The following CYP19A1 variants were observed in gnomAD, a reference collection of about 807,000 sequenced individuals.
CYP19A1 encodes the protein cytochrome P450 family 19 subfamily A member 1.
In CYP19A1, 32 loss-of-function variants were observed where a neutral mutation model predicts 44.4. The observed-to-expected ratio is 0.72, with a 90% confidence interval of 0.54 to 0.97. The LOEUF (loss-of-function observed/expected upper bound fraction) is 0.97, where lower values mean the gene tolerates loss of function less well. Ranked by LOEUF, CYP19A1 falls within the 50% of genes least tolerant of loss-of-function variation. The probability of loss-of-function intolerance (pLI) is 0.00; values close to 1 mark genes in which losing one functional copy is unlikely to be tolerated. For synonymous variants in CYP19A1, 212 were observed against 215.6 expected (o/e 0.98, Z 0.14); for missense variants, 598 against 637.8 (o/e 0.94, Z 0.67).
chr15:51,318,299 T>C (rs1477534293), intron 1 of CYP19A1: 1 of 152,172 alleles, frequency 6.6e-6, no homozygotes, highest in Non-Finnish European at 1.5e-5. Flanking sequence ...ACTCAGTTGA[T>C]AGCAAAGTGG....
chr15:51,326,193 G>A (rs2141026593), intron 1 of CYP19A1, among the ~76,000 whole-genome samples: 1 of 152,222 alleles, frequency 6.6e-6, no homozygotes, highest in Admixed American at 6.5e-5. Flanking sequence ...TTTGATTAGG[G>A]TAGGTGTCCA....
At chr15:51,333,339 T>C (rs974758192) in intron 1 of CYP19A1, among the ~76,000 whole-genome samples, 2 of 152,136 alleles carry the variant, frequency 1.3e-5, no homozygotes, top group African/African-American at 4.8e-5. Flanking sequence ...TTTCCTGTTT[T>C]CTCACATCTC....
chr15:51,235,994 T>G (rs1318969275), intron 3 of CYP19A1, among the ~76,000 whole-genome samples: 2 of 152,234 alleles, frequency 1.3e-5, no homozygotes, highest in Non-Finnish European at 2.9e-5. Context: ...CTAAGATCAA[T>G]AAACAAGAAA....
At chr15:51,259,710 G>A (rs2034644231) in intron 1 of CYP19A1, among the ~76,000 whole-genome samples, 1 of 152,216 alleles carries the variant, frequency 6.6e-6, no homozygotes, top group African/African-American at 2.4e-5. Flanking sequence ...GGCTGCACCA[G>A]ACTGATATTC....
At chr15:51,284,983 G>T (rs191274707) in intron 1 of CYP19A1, among the ~76,000 whole-genome samples, 21 of 152,256 alleles carry the variant, frequency 1.4e-4, no homozygotes, top group Admixed American at 1.3e-3. Flanking sequence ...CTATTAGAAG[G>T]GGCCTGTTTC....
intron 1 of CYP19A1, among the ~76,000 whole-genome samples, chr15:51,325,610 T>A (rs909115516): frequency 6.6e-6 from 1 of 151,862 alleles, no homozygotes; most frequent in African/African-American, 2.4e-5. Context: ...GAGGCCGAGG[T>A]GGGCGGATCA....
At chr15:51,262,770 A>G (rs1402512182) in intron 1 of CYP19A1, among the ~76,000 whole-genome samples, 7 of 152,232 alleles carry the variant, frequency 4.6e-5, no homozygotes, top group Non-Finnish European at 8.8e-5. Flanking sequence ...AGCTCTTAGA[A>G]AATTTCATGA....
chr15:51,240,065 C>T (rs1403194537), intron 2 of CYP19A1, among the ~76,000 whole-genome samples: 12 of 18,486 alleles, frequency 6.5e-4, no homozygotes, highest in South Asian at 4.2e-3. Flanking sequence ...CCCCCTCCCC[C>T]GGCCACTCCC....
At chr15:51,212,700 C>T (rs1414744582) in intron 8 of CYP19A1, 139 bp from the exon 9 acceptor site, 3 of 658,976 alleles carry the variant, frequency 4.6e-6, no homozygotes, top group Non-Finnish European at 8.1e-6. Context: ...TGCACACCAG[C>T]AACCAGGGCC....
At chr15:51,221,831 G>T (rs747553996) in intron 5 of CYP19A1, 1 of 167,040 alleles carries the variant, frequency 6.0e-6, no homozygotes, top group Non-Finnish European at 1.3e-5. Context: ...TAGATACTAC[G>T]TTAATGGCAG....
At chr15:51,310,803 G>A (rs923995753) in intron 1 of CYP19A1, among the ~76,000 whole-genome samples, 1 of 152,140 alleles carries the variant, frequency 6.6e-6, no homozygotes, top group South Asian at 2.1e-4. Flanking sequence ...CCGGCAAGAC[G>A]GAACTCTTGC....
intron 1 of CYP19A1, among the ~76,000 whole-genome samples, chr15:51,310,071 T>C (rs891623229): frequency 6.6e-6 from 1 of 152,216 alleles, no homozygotes; most frequent in African/African-American, 2.4e-5. Flanking sequence ...GGTTCTATTT[T>C]GGGATTCTGT....
intron 1 of CYP19A1, among the ~76,000 whole-genome samples, chr15:51,313,459 A>G (rs1801741710): frequency 6.6e-6 from 1 of 152,204 alleles, no homozygotes; most frequent in South Asian, 2.1e-4. Context: ...GAGAGGTAGC[A>G]TGCAGAGCCC....
intron 1 of CYP19A1, chr15:51,279,214 A>T (rs990699354): frequency 1.3e-5 from 2 of 152,228 alleles, no homozygotes; most frequent in Non-Finnish European, 1.5e-5. Context: ...TAGTGATTTA[A>T]AGATTTGTTC....
At chr15:51,246,767 C>A (rs34780750) in intron 1 of CYP19A1, among the ~76,000 whole-genome samples, 1 of 152,210 alleles carries the variant, frequency 6.6e-6, no homozygotes, top group Non-Finnish European at 1.5e-5. Flanking sequence ...CCAGACCCTG[C>A]TAAATCCTTT....
intron 1 of CYP19A1, among the ~76,000 whole-genome samples, chr15:51,289,602 A>T (rs1205298252): frequency 1.3e-5 from 2 of 152,088 alleles, no homozygotes; most frequent in African/African-American, 4.8e-5. Context: ...GCAGCTTCCC[A>T]CTGTGCCCCC....
intron 1 of CYP19A1, among the ~76,000 whole-genome samples, chr15:51,284,235 C>G (rs1170080803): frequency 1.3e-5 from 2 of 152,160 alleles, no homozygotes; most frequent in African/African-American, 4.8e-5. Flanking sequence ...TTGGGTTAAT[C>G]AAGTGTCTGA....
Position 51,210,302 on chromosome 15 carries a change from C to A in CYP19A1, c.*506G>T, listed in dbSNP as rs952044389. On this transcript the variant is annotated 3_prime_UTR_variant, in exon 10 of 10. Transcript: ENST00000396402. ...GAATTTCTAAGCATTTCTCCAAAGA[C>A]TATGAATGTTGCTTTTCCACCTCCA... The A allele has an allele frequency of 1.3e-5, 6 of 465,874 alleles. No individual in the cohort carries two copies. Among genetic ancestry groups the A allele is most frequent in the African/African-American group, 1.2e-4 (6 of 50,342 alleles). 28.9% of individuals were successfully genotyped at this position (465,874 alleles called of 1,614,324 possible). A position where few individuals can be genotyped will look rare whatever the true frequency, so the allele number is the denominator to read the frequency against.
chr15:51,251,631 C>A (rs1161657483), intron 1 of CYP19A1, among the ~76,000 whole-genome samples: 1 of 152,186 alleles, frequency 6.6e-6, no homozygotes, highest in African/African-American at 2.4e-5. Flanking sequence ...CTGGGGTCAT[C>A]AAAGAATGAT....
Sources: allele counts gnomAD v4.1 joint callset (sites outside exome capture counted in the v4.1 genomes callset), GRCh38; gene constraint gnomAD v4.1.1; transcripts MANE v1.5; gene names NCBI Gene and HGNC (gene_info 2026-07-23, HGNC 2026-07-21).